KANK1: variants seen among roughly 807,000 people sequenced by gnomAD.
The protein encoded by KANK1 is KN motif and ankyrin repeat domain-containing protein 1.
KANK1 carries 109 observed loss-of-function variants against 106.2 expected under a neutral mutation model. The observed-to-expected ratio is 1.03, with a 90% CI of 0.88 to 1.20. The LOEUF is 1.20. KANK1 is among the 50% of genes most tolerant of loss of function. KANK1 has a pLI of 0.00. For missense variants in KANK1, 2,399 were observed against 1,710.7 expected, an observed-to-expected ratio of 1.40 and a Z score of -7.10; for synonymous variants, 873 against 652.2, an observed-to-expected ratio of 1.34 and a Z score of -5.16.
intron 1 of KANK1, among the ~76,000 whole-genome samples, chr9:621,937 G>C (rs904580945): frequency 2.0e-5 from 3 of 152,168 alleles, no homozygotes; most frequent in Non-Finnish European, 4.4e-5. Context: ...GAGCCCTGGT[G>C]CTGCCGAAGC....
rs79465481 is a variant in KANK1 at position 597,002 on chromosome 9, A to T, written c.-83-79888A>T. ...TGTAAAATAAATGTTCTCATACAAT[A>T]TGTGACCTTTTGTGTCTGGCTTCTT... is the stretch of plus-strand genomic sequence containing the variant. On this transcript the variant is annotated intron_variant, in intron 1 of 11. Coordinates refer to ENST00000382297, the MANE Select transcript of KANK1 (RefSeq NM_015158.5). Among the ~76,000 whole-genome samples, 233 of 152,022 alleles carry T rather than the reference A, an allele frequency of 1.5e-3. 10 individuals carry two copies. The highest frequency in any genetic ancestry group is 5.3e-3 in the African/African-American group (218 of 41,262).
At chr9:539,330 A>G (rs1396182406) in intron 1 of KANK1, among the ~76,000 whole-genome samples, 1 of 152,244 alleles carries the variant, frequency 6.6e-6, no homozygotes, top group African/African-American at 2.4e-5. Context: ...TCTGTAGGTC[A>G]CTTCGGGGAG....
intron 1 of KANK1, among the ~76,000 whole-genome samples, chr9:551,332 A>G (rs889490927): frequency 2.6e-5 from 4 of 151,890 alleles, no homozygotes; most frequent in African/African-American, 7.3e-5. Flanking sequence ...ACCAGAGTCA[A>G]TCTACTAGTT....
intron 2 of KANK1, among the ~76,000 whole-genome samples, chr9:709,703 C>T (rs1825398025): frequency 6.6e-6 from 1 of 151,686 alleles, no homozygotes; most frequent in Admixed American, 6.6e-5. Flanking sequence ...GCAACCTCCA[C>T]CTCCTGGATT....
intron 1 of KANK1, among the ~76,000 whole-genome samples, chr9:509,993 G>A (rs1362489810): frequency 6.9e-6 from 1 of 144,526 alleles, no homozygotes; most frequent in African/African-American, 2.7e-5. Context: ...TTTTTTAGTT[G>A]TAGAGATGGG....
chr9:661,048 A>G (rs1843183805), intron 1 of KANK1, among the ~76,000 whole-genome samples: 1 of 150,798 alleles, frequency 6.6e-6, no homozygotes, highest in Non-Finnish European at 1.5e-5. Flanking sequence ...CAGCTGTCCA[A>G]TTTCATGGAA....
intron 1 of KANK1, among the ~76,000 whole-genome samples, chr9:517,131 A>T (rs966119889): frequency 1.3e-5 from 2 of 151,774 alleles, no homozygotes; most frequent in African/African-American, 4.9e-5. Flanking sequence ...TTGTTTTGAG[A>T]CGGAGTCTCG....
At chr9:504,382 C>A (rs1213811427), upstream of KANK1, among the ~76,000 whole-genome samples, 1 of 151,902 alleles carries the variant, frequency 6.6e-6, no homozygotes, top group African/African-American at 2.4e-5. Flanking sequence ...GAAGGTGCCC[C>A]GCGGGCCTGG....
intron 3 of KANK1, among the ~76,000 whole-genome samples, chr9:720,265 T>C (rs1748190767): frequency 6.6e-6 from 1 of 152,248 alleles, no homozygotes; most frequent in African/African-American, 2.4e-5. Context: ...GTGAAAACCG[T>C]TGCCACCTGG....
At chr9:581,939 G>A (rs115959417) in intron 1 of KANK1, among the ~76,000 whole-genome samples, 2 of 152,160 alleles carry the variant, frequency 1.3e-5, no homozygotes, top group Non-Finnish European at 2.9e-5. Context: ...TCACTTCCAA[G>A]ATCTCCCTTA....
chr9:737,838 T>G (rs1834209177), intron 7 of KANK1, among the ~76,000 whole-genome samples: 1 of 152,238 alleles, frequency 6.6e-6, no homozygotes, highest in East Asian at 1.9e-4. Flanking sequence ...GAAAATTGTT[T>G]GCAAGGCCAG....
chr9:557,957 A>G (rs1023914879), intron 1 of KANK1, among the ~76,000 whole-genome samples: 1 of 152,152 alleles, frequency 6.6e-6, no homozygotes, highest in Non-Finnish European at 1.5e-5. Flanking sequence ...GTGAGCTATG[A>G]TCGCGCCACT....
At chr9:666,164 G>A (rs887509701) in intron 1 of KANK1, among the ~76,000 whole-genome samples, 1 of 151,674 alleles carries the variant, frequency 6.6e-6, no homozygotes, top group African/African-American at 2.4e-5. Context: ...CTGGGTGACA[G>A]AGCAAAACCC....
chr9:637,062 C>G (rs1485108118), intron 1 of KANK1, among the ~76,000 whole-genome samples: 1 of 152,164 alleles, frequency 6.6e-6, no homozygotes, highest in Non-Finnish European at 1.5e-5. Flanking sequence ...TGCCCCTTCT[C>G]TCCATTTTTT....
chr9:543,605 C>T lies in KANK1; in HGVS notation c.-84+38851C>T, dbSNP rs571762361. 1.1e-4 allele frequency among the ~76,000 whole-genome samples: 16 copies of T among 150,472 alleles called. No homozygotes were observed. The South Asian group carries it at 2.6e-3, about 24-fold the overall frequency. On this transcript the variant is annotated intron_variant, in intron 1 of 11. Coordinates refer to ENST00000382297, the MANE Select transcript of KANK1 (RefSeq NM_015158.5). ...TTGAAAATCCGCAAGCTTCAGAAGA[C>T]ACACTACTGCGTGTTTGTCCTTCTA... is the stretch of plus-strand genomic sequence containing the variant.
intron 1 of KANK1, among the ~76,000 whole-genome samples, chr9:660,688 T>C (rs1053217378): frequency 2.0e-5 from 3 of 152,142 alleles, no homozygotes; most frequent in Non-Finnish European, 4.4e-5. Context: ...TAAGAGACTG[T>C]CACCACCCGA....
chr9:518,411 T>TTTTTACTTAGC (rs1563704913), intron 1 of KANK1, among the ~76,000 whole-genome samples: 2 of 151,530 alleles, frequency 1.3e-5, no homozygotes, highest in Non-Finnish European at 2.9e-5. Context: ...CCCAGGGCAG[T>TTTTTACTTAGC]TTTTACTTTA....
intron 11 of KANK1, chr9:744,970 C>G (rs982682457): frequency 6.8e-7 from 1 of 1,473,960 alleles, no homozygotes; most frequent in Non-Finnish European, 9.0e-7. Flanking sequence ...AAGGTGACTT[C>G]CCAGGACAGC....
chr9:635,694 CTTT>C (rs1162836319), intron 1 of KANK1, among the ~76,000 whole-genome samples: 2 of 103,374 alleles, frequency 1.9e-5, no homozygotes, highest in Admixed American at 1.2e-4. Flanking sequence ...CCTTTTTATT[CTTT>C]TTTTTTTTTT....
Sources: gnomAD v4.1 joint callset for allele counts (sites outside exome capture counted in the v4.1 genomes callset) on GRCh38, gnomAD v4.1.1 for gene constraint, MANE v1.5 for transcripts, NCBI Gene and HGNC (gene_info 2026-07-23, HGNC 2026-07-21) for gene names.